The following FHIT variants were observed in gnomAD, a reference collection of about 807,000 sequenced individuals.
FHIT encodes fragile histidine triad diadenosine triphosphatase, also known as bis(5'-adenosyl)-triphosphatase.
Under a neutral mutation model 17.9 loss-of-function variants are expected in FHIT, and 19 were observed. That is an observed-to-expected ratio of 1.06 (90% CI 0.74 to 1.56). The LOEUF (loss-of-function observed/expected upper bound fraction) is 1.56, where lower values mean the gene tolerates loss of function less well. FHIT is among the 40% of genes most tolerant of loss of function. The pLI, the probability that FHIT is intolerant of heterozygous loss-of-function variation, is 0.00. For synonymous variants in FHIT, 81 were observed against 69.7 expected (o/e 1.16, Z -0.81); for missense variants, 248 against 189.2 (o/e 1.31, Z -1.82).
At chr3:60,701,123 C>CA (rs34427728) in intron 4 of FHIT, among the ~76,000 whole-genome samples, 1 of 132,656 alleles carries the variant, frequency 7.5e-6, no homozygotes, top group Admixed American at 7.7e-5. Context: ...TGAAAAGACC[C>CA]TTTTTTTTTT....
intron 5 of FHIT, among the ~76,000 whole-genome samples, chr3:60,388,550 G>A (rs1437573703): frequency 6.6e-6 from 1 of 152,124 alleles, no homozygotes; most frequent in African/African-American, 2.4e-5. Context: ...GCAATGAGCA[G>A]CGATCATGCC....
chr3:59,760,688 T>G (rs972179904), intron 8 of FHIT, among the ~76,000 whole-genome samples: 2 of 152,190 alleles, frequency 1.3e-5, no homozygotes, highest in African/African-American at 4.8e-5. Flanking sequence ...TGATTTCAAT[T>G]AAAATATCAA....
At chr3:60,206,359 G>T (rs893911949) in intron 5 of FHIT, among the ~76,000 whole-genome samples, 1 of 152,026 alleles carries the variant, frequency 6.6e-6, no homozygotes, top group Non-Finnish European at 1.5e-5. Flanking sequence ...GTGTATCTGA[G>T]CTTCAGATGT....
intron 5 of FHIT, among the ~76,000 whole-genome samples, chr3:60,147,524 C>T (rs187791697): frequency 4.6e-5 from 7 of 152,274 alleles, no homozygotes; most frequent in African/African-American, 9.6e-5. Flanking sequence ...GTTCAACATG[C>T]GACAGGTAGG....
intron 5 of FHIT, among the ~76,000 whole-genome samples, chr3:60,074,434 C>T (rs1383037799): frequency 6.6e-6 from 1 of 152,012 alleles, no homozygotes. Flanking sequence ...GTTTTAAACT[C>T]CTTTGAAGAG....
chr3:60,329,500 G>A (rs1438860011), intron 5 of FHIT, among the ~76,000 whole-genome samples: 1 of 152,206 alleles, frequency 6.6e-6, no homozygotes, highest in Non-Finnish European at 1.5e-5. Flanking sequence ...TTAACCTGTA[G>A]TCATGAACCT....
intron 5 of FHIT, among the ~76,000 whole-genome samples, chr3:60,406,644 T>A (rs1448180459): frequency 1.4e-5 from 2 of 138,732 alleles, no homozygotes; most frequent in Non-Finnish European, 3.0e-5. Context: ...TGTCAGATTT[T>A]GTGGAGAAGC....
chr3:60,888,077 G>C (rs542483246), intron 3 of FHIT, among the ~76,000 whole-genome samples: 2 of 152,112 alleles, frequency 1.3e-5, no homozygotes, highest in African/African-American at 4.8e-5. Flanking sequence ...GAAATCTGGG[G>C]CTTCTGCTTC....
Position 61,022,812 on chromosome 3 carries a change from G to T in FHIT, c.-111+19235C>A, listed in dbSNP as rs528268694. ...TTCAACACTCCTTCATGCTAAAAAC[G>T]CTCAATAAACTAGGTATTGATGGAA... On this transcript the variant is annotated intron_variant, in intron 3 of 9. Transcript: ENST00000492590. Among the ~76,000 whole-genome samples the T allele has an allele frequency of 3.9e-4, 60 of 152,086 alleles. 1 individual carries two copies. In the East Asian group the frequency reaches 0.01, roughly 26 times the overall value.
chr3:60,014,647 GTTTAT>G (rs1421321878), intron 5 of FHIT, among the ~76,000 whole-genome samples: 2 of 152,202 alleles, frequency 1.3e-5, no homozygotes, highest in African/African-American at 2.4e-5. Flanking sequence ...AAAAGTAGAT[GTTTAT>G]TTTATTTTTA....
At chr3:61,012,025 A>C in intron 3 of FHIT, among the ~76,000 whole-genome samples, 1 of 152,338 alleles carries the variant, frequency 6.6e-6, no homozygotes, top group Middle Eastern at 3.4e-3. Flanking sequence ...TATAAAGTGG[A>C]CATTTTTCAT....
chr3:60,287,673 C>G (rs949797497), intron 5 of FHIT, among the ~76,000 whole-genome samples: 3 of 152,190 alleles, frequency 2.0e-5, no homozygotes, highest in Middle Eastern at 3.4e-3. Flanking sequence ...ACCATCTCAT[C>G]ATCAAGTATT....
At chr3:60,034,263 C>T (rs1328311505) in intron 5 of FHIT, among the ~76,000 whole-genome samples, 1 of 152,216 alleles carries the variant, frequency 6.6e-6, no homozygotes, top group Non-Finnish European at 1.5e-5. Context: ...ATTCAATGAA[C>T]ATGTCATTCA....
At chr3:60,422,638 G>A (rs371175097) in intron 5 of FHIT, among the ~76,000 whole-genome samples, 2 of 152,224 alleles carry the variant, frequency 1.3e-5, no homozygotes, top group African/African-American at 4.8e-5. Flanking sequence ...CCTTTCCCGA[G>A]TGAGGTGTTA....
chr3:60,976,684 A>T (rs1222980734), intron 3 of FHIT, among the ~76,000 whole-genome samples: 1 of 152,204 alleles, frequency 6.6e-6, no homozygotes, highest in Non-Finnish European at 1.5e-5. Flanking sequence ...TGAATGAAAG[A>T]TGTGACACAT....
At chr3:59,837,220 C>A (rs1327176622) in intron 8 of FHIT, among the ~76,000 whole-genome samples, 1 of 152,052 alleles carries the variant, frequency 6.6e-6, no homozygotes, top group East Asian at 1.9e-4. Flanking sequence ...TACAGTCATC[C>A]CTTGGTATCT....
chr3:60,480,645 C>T (rs1379215301), intron 5 of FHIT, among the ~76,000 whole-genome samples: 2 of 152,164 alleles, frequency 1.3e-5, no homozygotes, highest in Admixed American at 1.3e-4. Flanking sequence ...AATCCGAAAC[C>T]CAGTGAGGCA....
intron 5 of FHIT, among the ~76,000 whole-genome samples, chr3:60,348,101 A>G (rs1710887853): frequency 6.9e-6 from 1 of 144,328 alleles, no homozygotes; most frequent in Admixed American, 7.2e-5. Context: ...AATTAGTAAC[A>G]TGAATAATCC....
intron 4 of FHIT, among the ~76,000 whole-genome samples, chr3:60,549,079 A>G (rs1337109382): frequency 3.3e-5 from 5 of 152,196 alleles, no homozygotes; most frequent in African/African-American, 1.2e-4. Flanking sequence ...ATATTGGTGT[A>G]TTTTGCCTTG....
Sources: allele counts gnomAD v4.1 joint callset (sites outside exome capture counted in the v4.1 genomes callset), GRCh38; gene constraint gnomAD v4.1.1; transcripts MANE v1.5; gene names NCBI Gene and HGNC (gene_info 2026-07-23, HGNC 2026-07-21).